Variants in GPR158 observed in about 807,000 individuals in gnomAD.
The protein encoded by GPR158 is metabotropic glycine receptor.
A neutral mutation model predicts 78.2 loss-of-function variants in GPR158; 30 were observed. The ratio of observed to expected loss-of-function variants is 0.38; its 90% CI spans 0.29 to 0.52. The LOEUF (loss-of-function observed/expected upper bound fraction) is 0.52. GPR158 is among the 20% of genes least tolerant of loss of function. The pLI, the probability that GPR158 is intolerant of heterozygous loss-of-function variation, is 0.83. For missense variants in GPR158, 1,463 were observed against 1,523.5 expected, an observed-to-expected ratio of 0.96 and a Z score of 0.66; for synonymous variants, 581 against 591.1, an observed-to-expected ratio of 0.98 and a Z score of 0.25.
At chr10:25,356,990 A>G (rs1855563729) in intron 2 of GPR158, among the ~76,000 whole-genome samples, 1 of 152,088 alleles carries the variant, frequency 6.6e-6, no homozygotes. Flanking sequence ...TGATATGAAC[A>G]ATAAGGTCCG....
chr10:25,385,602 A>T (rs1180715216), intron 2 of GPR158, among the ~76,000 whole-genome samples: 2 of 151,996 alleles, frequency 1.3e-5, no homozygotes, highest in Admixed American at 6.5e-5. Context: ...AAGGGTTCCA[A>T]TTTTTTCCAC....
chr10:25,520,728 C>G (rs906956145), intron 5 of GPR158, among the ~76,000 whole-genome samples: 25 of 152,214 alleles, frequency 1.6e-4, no homozygotes, highest in South Asian at 6.2e-4. Context: ...GCAGTCTGCC[C>G]GTTCTCAGAT....
At chr10:25,241,186 T>TTTC (rs1564399427) in intron 2 of GPR158, among the ~76,000 whole-genome samples, 138 of 104,782 alleles carry the variant, frequency 1.3e-3, no homozygotes, top group African/African-American at 6.5e-3. Flanking sequence ...TCTTTCTTTC[T>TTTC]TTCCTTTCTT....
At chr10:25,250,619 G>A (rs1256210216) in intron 2 of GPR158, among the ~76,000 whole-genome samples, 19 of 149,762 alleles carry the variant, frequency 1.3e-4, no homozygotes, top group East Asian at 5.9e-4. Context: ...GTAGTTGAGC[G>A]GCTTTGAGTG....
intron 4 of GPR158, among the ~76,000 whole-genome samples, chr10:25,439,359 G>A (rs10764553): frequency 0.24 from 36,266 of 151,938 alleles, 4,687 homozygotes; most frequent in African/African-American, 0.33. Context: ...GGGGGAAGCC[G>A]CCCCCATGAT....
At chr10:25,494,451 T>C (rs1414441045) in intron 5 of GPR158, among the ~76,000 whole-genome samples, 1 of 152,196 alleles carries the variant, frequency 6.6e-6, no homozygotes, top group Non-Finnish European at 1.5e-5. Context: ...TAACTGTCAT[T>C]AGTATAATCA....
intron 2 of GPR158, among the ~76,000 whole-genome samples, chr10:25,351,710 C>CTT (rs66582925): frequency 0.043 from 5,789 of 135,382 alleles, 385 homozygotes; most frequent in African/African-American, 0.14. Context: ...GTTTTTCTTT[C>CTT]TTTTTTTTTT....
chr10:25,326,127 G>A (rs557628837), intron 2 of GPR158, among the ~76,000 whole-genome samples: 2 of 152,084 alleles, frequency 1.3e-5, no homozygotes, highest in East Asian at 3.9e-4. Context: ...GCTTCAGTGT[G>A]AGTTGTTCCT....
intron 2 of GPR158, among the ~76,000 whole-genome samples, chr10:25,288,478 G>A (rs11014486): frequency 0.012 from 1,776 of 152,238 alleles, 20 homozygotes; most frequent in African/African-American, 0.041. Flanking sequence ...CACAGCATTC[G>A]ATTACAAATG....
At chr10:25,502,882 G>C (rs1455559645) in intron 5 of GPR158, among the ~76,000 whole-genome samples, 3 of 152,080 alleles carry the variant, frequency 2.0e-5, no homozygotes, top group Non-Finnish European at 4.4e-5. Context: ...ACAAAAAAAG[G>C]GCACCAAACA....
intron 4 of GPR158, among the ~76,000 whole-genome samples, chr10:25,427,658 A>G (rs1834842766): frequency 6.6e-6 from 1 of 152,062 alleles, no homozygotes; most frequent in African/African-American, 2.4e-5. Flanking sequence ...TCACCATACC[A>G]CCTAGAAGTA....
chr10:25,502,312 G>A (rs1835953233), intron 5 of GPR158, among the ~76,000 whole-genome samples: 1 of 152,136 alleles, frequency 6.6e-6, no homozygotes, highest in Non-Finnish European at 1.5e-5. Flanking sequence ...CGTGACAGGG[G>A]AGAAAACTTT....
intron 2 of GPR158, among the ~76,000 whole-genome samples, chr10:25,279,103 G>A (rs961976579): frequency 6.6e-6 from 1 of 151,664 alleles, no homozygotes; most frequent in Admixed American, 6.6e-5. Flanking sequence ...GAGACAGGAG[G>A]GAGTTGATTA....
At position 25,175,739 on chromosome 10, in the gene GPR158, G is replaced by A. The variant is rs758537563; in HGVS notation, c.319G>A (p.Gly107Ser). The change falls in exon 1 of 11, where the codon GGC (glycine) becomes AGC (serine). Residue 107 changes from glycine to serine, a missense_variant. By Grantham distance (56) the Gly-to-Ser change is moderately conservative (BLOSUM62 0). Coordinates refer to ENST00000376351, the MANE Select transcript of GPR158 (RefSeq NM_020752.3). The surrounding 1 kb of genome is among the most constrained non-coding windows in gnomAD (Gnocchi z 6.4). The part of the protein sequence containing the change: ...ANCSGRYELA[G>S]LPGKWPALAS... Reference sequence around the variant, plus strand: ...CTGCTCCGGCCGCTACGAGTTGGCGGGCCTGCCGGGGAAGTGGCCAGCCCT... The same window carrying A: ...CTGCTCCGGCCGCTACGAGTTGGCGAGCCTGCCGGGGAAGTGGCCAGCCCT... 1.7e-5 allele frequency: 28 copies of A among 1,611,236 alleles called. No homozygotes were observed. The highest frequency in any genetic ancestry group is 2.2e-5 in the East Asian group (1 of 44,860).
At chr10:25,360,168 G>T (rs1270165826) in intron 2 of GPR158, among the ~76,000 whole-genome samples, 1 of 152,038 alleles carries the variant, frequency 6.6e-6, no homozygotes, top group Admixed American at 6.6e-5. Context: ...TTGTCAGATG[G>T]ATAGATTGTA....
intron 6 of GPR158, among the ~76,000 whole-genome samples, chr10:25,561,269 AAAT>A (rs1836856889): frequency 9.9e-5 from 15 of 152,248 alleles, no homozygotes. Context: ...ACATTTAAAA[AAAT>A]AATCCTGGAA....
At chr10:25,204,209 T>A (rs1852981791) in intron 1 of GPR158, among the ~76,000 whole-genome samples, 1 of 152,128 alleles carries the variant, frequency 6.6e-6, no homozygotes, top group Admixed American at 6.6e-5. Flanking sequence ...ACAAAGACAA[T>A]TTGACTTCTG....
intron 1 of GPR158, among the ~76,000 whole-genome samples, chr10:25,192,800 A>T (rs1852791682): frequency 6.6e-6 from 1 of 150,752 alleles, no homozygotes; most frequent in Admixed American, 6.6e-5. Flanking sequence ...AAAAAATAAA[A>T]ATCGAATTCA....
chr10:25,295,844 C>T (rs1854504697), intron 2 of GPR158, among the ~76,000 whole-genome samples: 2 of 152,106 alleles, frequency 1.3e-5, no homozygotes, highest in Admixed American at 1.3e-4. Flanking sequence ...AAATACTTTT[C>T]CCCATACCTT....
Sources: allele counts gnomAD v4.1 joint callset (sites outside exome capture counted in the v4.1 genomes callset), GRCh38; gene constraint gnomAD v4.1.1; non-coding constraint Gnocchi (gnomAD v3.1); transcripts MANE v1.5; gene names NCBI Gene and HGNC (gene_info 2026-07-23, HGNC 2026-07-21).